ARGLU1: variants seen among roughly 807,000 people sequenced by gnomAD.
ARGLU1 encodes the protein arginine and glutamate rich 1, also known as arginine and glutamate-rich protein 1.
Under a neutral mutation model 37.6 loss-of-function variants are expected in ARGLU1, and 9 were observed. That is an observed-to-expected ratio of 0.24 (90% CI 0.14 to 0.42). ARGLU1 has a LOEUF of 0.42. Among genes scored for constraint, ARGLU1 ranks in the 10% least tolerant of loss-of-function variants. ARGLU1 has a pLI of 1.00. For synonymous variants in ARGLU1, 166 were observed against 138.5 expected (o/e 1.20, Z -1.39); for missense variants, 211 against 359.2 (o/e 0.59, Z 3.34).
chr13:106,555,695 T>A (rs1880646056), intron 3 of ARGLU1, among the ~76,000 whole-genome samples: 1 of 152,192 alleles, frequency 6.6e-6, no homozygotes, highest in African/African-American at 2.4e-5. Context: ...GAAAGTCATA[T>A]TTTTTATTTT....
intron 3 of ARGLU1, among the ~76,000 whole-genome samples, chr13:106,551,171 C>G (rs1880522053): frequency 6.6e-6 from 1 of 152,214 alleles, no homozygotes. Flanking sequence ...CTTTTGCCAT[C>G]TGAGTAGCCT....
At chr13:106,552,283 G>GA (rs1345945424) in intron 3 of ARGLU1, among the ~76,000 whole-genome samples, 1 of 152,160 alleles carries the variant, frequency 6.6e-6, no homozygotes, top group Non-Finnish European at 1.5e-5. Flanking sequence ...TTAGTAAAGA[G>GA]ATCTGTAAAT....
chr13:106,554,674 C>G (rs1825790449), intron 3 of ARGLU1, among the ~76,000 whole-genome samples: 1 of 151,720 alleles, frequency 6.6e-6, no homozygotes, highest in African/African-American at 2.4e-5. Flanking sequence ...ATCACAAGGT[C>G]AAGAGTTTGA....
At chr13:106,563,421 A>G (rs1566475682) in intron 1 of ARGLU1, among the ~76,000 whole-genome samples, 1 of 152,172 alleles carries the variant, frequency 6.6e-6, no homozygotes, top group Non-Finnish European at 1.5e-5. Flanking sequence ...ATCTCAAGCA[A>G]GCACTATACT....
chr13:106,567,806 C>T lies in ARGLU1; in HGVS notation c.114G>A (p.Arg38=). Residue 38 remains arginine, a synonymous_variant, in exon 1 of 4, where the codon CGG becomes CGA. Coordinates refer to ENST00000400198, the MANE Select transcript of ARGLU1 (RefSeq NM_018011.4). The surrounding 1 kb of genome is among the most constrained non-coding windows in gnomAD (Gnocchi z 4.3). ...RSRSRDKERV[R]KRSKSRESKR... ...TACTTTCCCGAGATTTGGAACGCTT[C>T]CGCACGCGCTCCTTGTCCCGGGATC... The T allele has an allele frequency of 6.2e-7, 1 of 1,613,710 alleles. No homozygotes were observed.
chr13:106,544,125 T>C lies in ARGLU1; in HGVS notation c.693A>G (p.Arg231=), dbSNP rs1352423685. The change falls in exon 4 of 4, where the codon AGA becomes AGG. Residue 231 remains arginine (R), a synonymous_variant. Coordinates refer to ENST00000400198, the MANE Select transcript of ARGLU1 (RefSeq NM_018011.4). ...EEQLRIVEEQ[R]KIHEERMKLE... The stretch of plus-strand genomic sequence containing the variant: ...GTTTCATCCTTTCCTCATGAATCTT[T>C]CTTTGTTCTTCAACAATTCTCAACT... The C allele has an allele frequency of 6.3e-7, 1 of 1,593,808 alleles. No homozygotes were observed. The highest frequency in any genetic ancestry group is 8.5e-7 in the Non-Finnish European group (1 of 1,174,596).
intron 3 of ARGLU1, among the ~76,000 whole-genome samples, chr13:106,552,917 T>C (rs189881509): frequency 6.6e-6 from 1 of 152,342 alleles, no homozygotes; most frequent in East Asian, 1.9e-4. Flanking sequence ...AATGTGGAAC[T>C]GAAAAAAACA....
chr13:106,553,958 C>A (rs1040137562), intron 3 of ARGLU1, among the ~76,000 whole-genome samples: 2 of 152,182 alleles, frequency 1.3e-5, no homozygotes, highest in African/African-American at 4.8e-5. Flanking sequence ...GTTTCCACAC[C>A]CTAGCCTTTG....
chr13:106,547,199 C>T (rs1486801036), intron 3 of ARGLU1, among the ~76,000 whole-genome samples: 2 of 152,140 alleles, frequency 1.3e-5, no homozygotes, highest in Non-Finnish European at 2.9e-5. Flanking sequence ...GCTTCCAGAA[C>T]CCTGAGCCAA....
chr13:106,545,930 C>T (rs1414883722), intron 3 of ARGLU1, among the ~76,000 whole-genome samples: 1 of 152,178 alleles, frequency 6.6e-6, no homozygotes, highest in Non-Finnish European at 1.5e-5. Flanking sequence ...CTGGACACAT[C>T]CACCTGGGAG....
intron 1 of ARGLU1, among the ~76,000 whole-genome samples, chr13:106,561,434 C>CAA (rs1381018748): frequency 7.4e-6 from 1 of 135,930 alleles, no homozygotes; most frequent in Non-Finnish European, 1.7e-5. Context: ...TACACACACA[C>CAA]ACACACACAC....
chr13:106,546,671 G>C (rs560817265), intron 3 of ARGLU1, among the ~76,000 whole-genome samples: 24 of 152,222 alleles, frequency 1.6e-4, no homozygotes, highest in African/African-American at 5.8e-4. Context: ...GTGTGTGTGT[G>C]CCTAAGAAAC....
chr13:106,563,573 G>A (rs1307849382), intron 1 of ARGLU1, among the ~76,000 whole-genome samples: 1 of 152,194 alleles, frequency 6.6e-6, no homozygotes, highest in Non-Finnish European at 1.5e-5. Flanking sequence ...GGAGGCTGAG[G>A]TAGAAGGATT....
chr13:106,568,111 G>T lies in ARGLU1; in HGVS notation c.-192C>A, dbSNP rs1031640751. 1.2e-6 allele frequency: 1 copy of T among 849,568 alleles called. No individual in the cohort carries two copies. Among genetic ancestry groups the T allele is most frequent in the Non-Finnish European group, 1.7e-6 (1 of 591,046 alleles). 52.6% of individuals were successfully genotyped at this position (849,568 alleles called of 1,614,324 possible). On this transcript the variant is annotated 5_prime_UTR_variant, in exon 1 of 4. Coordinates refer to ENST00000400198, the MANE Select transcript of ARGLU1 (RefSeq NM_018011.4). ...CCGCCTCCAACGAGAAACCCGTAGCGCCAGGCGCCCCTAAGATGGCAGCTG... is the reference window on the plus strand; with the variant it reads ...CCGCCTCCAACGAGAAACCCGTAGCTCCAGGCGCCCCTAAGATGGCAGCTG...
chr13:106,545,390 T>C (rs1880364313), intron 3 of ARGLU1, among the ~76,000 whole-genome samples: 1 of 152,198 alleles, frequency 6.6e-6, no homozygotes, highest in Non-Finnish European at 1.5e-5. Flanking sequence ...ATTGATTCCA[T>C]CTCCATTATT....
intron 3 of ARGLU1, among the ~76,000 whole-genome samples, chr13:106,556,260 G>C (rs1487618886): frequency 6.6e-6 from 1 of 152,132 alleles, no homozygotes; most frequent in Non-Finnish European, 1.5e-5. Flanking sequence ...CAAATACCAG[G>C]TGATATTTAC....
In ARGLU1 at chr13:106,542,751, T is replaced by A. The variant is rs1391496183; in HGVS notation, c.*1245A>T. 2 of 151,934 alleles carry A rather than the reference T, an allele frequency of 1.3e-5. No homozygotes were observed. The highest frequency in any genetic ancestry group is 2.9e-5 in the Non-Finnish European group (2 of 67,930). The allele number at this position is 151,934 out of a possible 1,614,324, so 9.4% of individuals were successfully genotyped here. On this transcript the variant is annotated 3_prime_UTR_variant, in exon 4 of 4. Coordinates refer to ENST00000400198, the MANE Select transcript of ARGLU1 (RefSeq NM_018011.4). ...CTTGAATGTTTTAATACCAGTATACTTAAACATATGTTAAGAGTAAATGAG... is the reference window on the plus strand; with the variant it reads ...CTTGAATGTTTTAATACCAGTATACATAAACATATGTTAAGAGTAAATGAG...
rs150578220 is a variant in ARGLU1 at position 106,548,685 on chromosome 13, A to C, written c.658-4525T>G. On this transcript the variant is annotated intron_variant, in intron 3 of 3. Transcript: ENST00000400198. ...GACTGGTGGTAAGAAGTACACACAC[A>C]AAAAAATGTTCCATTATAGTTAAAA... 6.6e-3 allele frequency among the ~76,000 whole-genome samples: 1,004 copies of C among 152,226 alleles called. 7 individuals carry two copies. The highest frequency in any genetic ancestry group is 0.017 in the Middle Eastern group (5 of 294).
intron 3 of ARGLU1, among the ~76,000 whole-genome samples, chr13:106,553,706 G>A (rs192868801): frequency 3.3e-5 from 5 of 152,278 alleles, no homozygotes; most frequent in Non-Finnish European, 4.4e-5. Context: ...TATTGTAGTT[G>A]CTTCTTGTCC....
Sources: gnomAD v4.1 joint callset for allele counts (sites outside exome capture counted in the v4.1 genomes callset) on GRCh38, gnomAD v4.1.1 for gene constraint, Gnocchi (gnomAD v3.1) non-coding constraint, MANE v1.5 for transcripts, NCBI Gene and HGNC (gene_info 2026-07-23, HGNC 2026-07-21) for gene names.